Variants in PFKM observed in about 807,000 individuals in gnomAD.
PFKM encodes ATP-dependent 6-phosphofructokinase, muscle type.
Under a neutral mutation model 95.5 loss-of-function variants are expected in PFKM, and 58 were observed. The ratio of observed to expected loss-of-function variants is 0.61; its 90% confidence interval spans 0.49 to 0.76. The LOEUF (loss-of-function observed/expected upper bound fraction) is 0.76. Among genes scored for constraint, PFKM ranks in the 30% least tolerant of loss-of-function variants. The pLI, the probability that PFKM is intolerant of heterozygous loss-of-function variation, is 0.00. For missense variants in PFKM, 678 were observed against 1,005.4 expected (o/e 0.67, Z 4.40); for synonymous variants, 336 against 357.2 (o/e 0.94, Z 0.67).
intron 3 of PFKM, among the ~76,000 whole-genome samples, chr12:48,110,536 CAT>C (rs1490981254): frequency 9.2e-5 from 14 of 152,236 alleles, no homozygotes; most frequent in Admixed American, 9.2e-4. Context: ...GTGAGGAACT[CAT>C]GTCGTCAAAC....
At chr12:48,118,412 A>G, upstream of PFKM, 2 of 798,312 alleles carry the variant, frequency 2.5e-6, no homozygotes, top group Non-Finnish European at 4.2e-6. Context: ...TGGAGAACAA[A>G]TGCTTTTATT....
rs1305706304 is a variant in PFKM at position 48,130,437 on chromosome 12, G to T, written c.159+1G>T. Reference sequence around the variant, plus strand: ...TGCCCGTGTCTTCTTTGTCCATGAGGTTGGTTCTGTACTTTGTTCTTCATC... The same window carrying T: ...TGCCCGTGTCTTCTTTGTCCATGAGTTTGGTTCTGTACTTTGTTCTTCATC... On this transcript the variant is annotated splice_donor_variant, in intron 3 of 22. Coordinates refer to ENST00000359794, the MANE Select transcript of PFKM (RefSeq NM_000289.6). LOFTEE classifies it high-confidence loss of function. The T allele has an allele frequency of 1.9e-6, 3 of 1,608,392 alleles. No homozygotes were observed. The highest frequency in any genetic ancestry group is 2.6e-6 in the Non-Finnish European group (3 of 1,174,746).
At position 48,145,783 on chromosome 12, in the gene PFKM, T is replaced by G; in HGVS notation, c.*75T>G. 1.3e-6 allele frequency: 2 copies of G among 1,482,722 alleles called. No individual in the cohort carries two copies. The highest frequency in any genetic ancestry group is 4.5e-5 in the East Asian group (2 of 44,364). 91.8% of individuals were successfully genotyped at this position (1,482,722 alleles called of 1,614,324 possible). A position where few individuals can be genotyped will look rare whatever the true frequency, so the allele number is the denominator to read the frequency against. On this transcript the variant is annotated 3_prime_UTR_variant, in exon 23 of 23. Coordinates refer to ENST00000359794, the MANE Select transcript of PFKM (RefSeq NM_000289.6). The surrounding 1 kb of genome is among the most constrained non-coding windows in gnomAD (Gnocchi z 4.3). ...CCCTAATAAGTCCACATCTTCTCAG[T>G]GTTTTAGCTGTTTTTTTCATTAGGT...
chr12:48,145,915 C>T lies in PFKM; in HGVS notation c.*207C>T, dbSNP rs943178164. The T allele has an allele frequency of 1.7e-6, 1 of 590,216 alleles. No individual in the cohort carries two copies. Among genetic ancestry groups the T allele is most frequent in the East Asian group, 2.9e-5 (1 of 35,060 alleles). The allele number at this position is 590,216 out of a possible 1,614,324, so 36.6% of individuals were successfully genotyped here. On this transcript the variant is annotated 3_prime_UTR_variant, in exon 23 of 23. Transcript: ENST00000359794. This position sits in a 1 kb window ranked among gnomAD's most constrained non-coding sequence, Gnocchi z 4.3. ...AGGTAGAATTTAACATGACTTCTGC[C>T]CCAGCTTTATCTGTCACACAAGGCT...
At chr12:48,120,789 C>T (rs1043449844) in intron 1 of PFKM, among the ~76,000 whole-genome samples, 7 of 152,190 alleles carry the variant, frequency 4.6e-5, no homozygotes, top group African/African-American at 1.7e-4. Flanking sequence ...ATTTGGCCTA[C>T]AGGCTGTTGT....
intron 18 of PFKM, 32 bp from the exon 19 acceptor site, chr12:48,143,721 G>T (rs751872267): frequency 1.3e-6 from 2 of 1,550,852 alleles, no homozygotes; most frequent in South Asian, 1.1e-5. Context: ...TCCATTCCCA[G>T]TTAGGCTTAG....
chr12:48,110,098 G>A (rs72644845), intron 3 of PFKM, among the ~76,000 whole-genome samples: 34,618 of 152,120 alleles, frequency 0.23, 4,690 homozygotes, highest in East Asian at 0.59. Context: ...GGATAAAACA[G>A]GGGGTGTAAT....
intron 10 of PFKM, 49 bp from the exon 11 acceptor site, chr12:48,137,672 A>G (rs748174173): frequency 6.2e-7 from 1 of 1,613,150 alleles, no homozygotes; most frequent in Non-Finnish European, 8.5e-7. Context: ...GGCTGAGCCA[A>G]GATGGGGCAG....
At position 48,134,230 on chromosome 12, in the gene PFKM, AG is replaced by A; in HGVS notation, c.594-1del. The A allele has an allele frequency of 6.2e-7, 1 of 1,613,634 alleles. No individual in the cohort carries two copies. The highest frequency in any genetic ancestry group is 8.5e-7 in the Non-Finnish European group (1 of 1,179,524). The stretch of plus-strand genomic sequence containing the variant: ...ACTGTGTCATATGTCTATCTCTTGC[AG>A]CCACCAGAGGACATTTGTGTTAGAA... On this transcript the variant is annotated splice_acceptor_variant, in intron 6 of 22. Coordinates refer to ENST00000359794, the MANE Select transcript of PFKM (RefSeq NM_000289.6). LOFTEE classifies it high-confidence loss of function.
chr12:48,119,926 A>C (rs1948071273), intron 1 of PFKM: 1 of 152,124 alleles, frequency 6.6e-6, no homozygotes, highest in Non-Finnish European at 1.5e-5. Context: ...AGCGGTTTTT[A>C]CAGGTCAGCA....
chr12:48,106,844 C>T (rs1263563792), intron 1 of PFKM, among the ~76,000 whole-genome samples: 1 of 152,180 alleles, frequency 6.6e-6, no homozygotes, highest in Non-Finnish European at 1.5e-5. Flanking sequence ...TAGAGATCTG[C>T]TTTTCTGGGT....
chr12:48,117,842 G>T (rs924500488), upstream of PFKM, among the ~76,000 whole-genome samples: 4 of 152,168 alleles, frequency 2.6e-5, no homozygotes, highest in African/African-American at 9.7e-5. Flanking sequence ...GAGATATAAG[G>T]TATCAATGAA....
intron 17 of PFKM, 26 bp downstream of exon 17, chr12:48,142,092 C>G: frequency 6.2e-7 from 1 of 1,610,838 alleles, no homozygotes; most frequent in South Asian, 1.1e-5. Flanking sequence ...CACTTCCCAT[C>G]CCTTTTGGCC....
exon 1 of PFKM, chr12:48,105,948 G>C: frequency 1.4e-6 from 1 of 692,334 alleles, no homozygotes; most frequent in South Asian, 1.5e-5. Context: ...AGCCCGGGCC[G>C]GCTGACCGGG....
chr12:48,122,834 C>T lies in PFKM; in HGVS notation c.60C>T (p.Val20=). 6.2e-7 allele frequency: 1 copy of T among 1,614,110 alleles called. No individual in the cohort carries two copies. The highest frequency in any genetic ancestry group is 8.5e-7 in the Non-Finnish European group (1 of 1,179,958). The change falls in exon 2 of 23, where the codon GTC becomes GTT. Residue 20 remains valine (V), a synonymous_variant. Coordinates refer to ENST00000359794, the MANE Select transcript of PFKM (RefSeq NM_000289.6). ...TGGGGATTGGCAAAGCCATTGCTGTCTTAACCTCTGGTGGAGATGCCCAAG... is the reference window on the plus strand; with the variant it reads ...TGGGGATTGGCAAAGCCATTGCTGTTTTAACCTCTGGTGGAGATGCCCAAG... ...KTLGIGKAIA[V]LTSGGDAQGM...
chr12:48,139,373 C>G, intron 12 of PFKM, 24 bp downstream of exon 12: 1 of 1,594,120 alleles, frequency 6.3e-7, no homozygotes, highest in Non-Finnish European at 8.6e-7. Context: ...GGGAAGCTCA[C>G]TAGCTACAGA....
chr12:48,138,240 T>A (rs1950272984), intron 11 of PFKM, among the ~76,000 whole-genome samples: 1 of 152,214 alleles, frequency 6.6e-6, no homozygotes, highest in Non-Finnish European at 1.5e-5. Context: ...ATTTCTATCT[T>A]GAACATGTTT....
intron 2 of PFKM, among the ~76,000 whole-genome samples, chr12:48,128,495 C>T (rs1406566664): frequency 6.6e-6 from 1 of 152,172 alleles, no homozygotes. Flanking sequence ...TATTCCCAGA[C>T]TCTGTGGTGG....
At chr12:48,126,860 T>G (rs1046542382) in intron 2 of PFKM, among the ~76,000 whole-genome samples, 1 of 152,232 alleles carries the variant, frequency 6.6e-6, no homozygotes, top group African/African-American at 2.4e-5. Flanking sequence ...TATTCATCTT[T>G]CCTAAAGCAT....
Sources: allele counts gnomAD v4.1 joint callset (sites outside exome capture counted in the v4.1 genomes callset), GRCh38; gene constraint gnomAD v4.1.1; non-coding constraint Gnocchi (gnomAD v3.1); transcripts MANE v1.5; gene names NCBI Gene and HGNC (gene_info 2026-07-23, HGNC 2026-07-21).